TACC2: variants seen among roughly 807,000 people sequenced by gnomAD.
TACC2 encodes transforming acidic coiled-coil-containing protein 2.
TACC2 carries 137 observed loss-of-function variants against 227.3 expected under a neutral mutation model. The ratio of observed to expected loss-of-function variants is 0.60; its 90% confidence interval spans 0.52 to 0.69. The LOEUF is 0.69. TACC2 is among the 30% of genes least tolerant of loss of function. TACC2 has a pLI of 0.00. For missense variants in TACC2, 3,470 were observed against 3,694.4 expected (o/e 0.94, Z 1.57); for synonymous variants, 1,523 against 1,487.5 (o/e 1.02, Z -0.55).
chr10:122,131,410 C>T (rs190302408), intron 5 of TACC2, among the ~76,000 whole-genome samples: 29 of 152,282 alleles, frequency 1.9e-4, no homozygotes, highest in African/African-American at 6.7e-4. Context: ...GACTACAAGA[C>T]GATGGGTGTC....
At chr10:122,076,709 T>TAA (rs113901712) in intron 3 of TACC2, among the ~76,000 whole-genome samples, 1 of 143,482 alleles carries the variant, frequency 7.0e-6, no homozygotes. Context: ...ACAGAAGTAT[T>TAA]AAAAAAAAAA....
At position 122,082,969 on chromosome 10, in the gene TACC2, G is replaced by A; in HGVS notation, c.469G>A (p.Glu157Lys). 6.2e-7 allele frequency: 1 copy of A among 1,612,902 alleles called. No individual in the cohort carries two copies. Among genetic ancestry groups the A allele is most frequent in the Non-Finnish European group, 8.5e-7 (1 of 1,180,022 alleles). Residue 157 changes from glutamate to lysine, a missense_variant, in exon 4 of 23, where the codon GAG becomes AAG. By Grantham distance (56) the Glu-to-Lys change is moderately conservative (BLOSUM62 1). Around this residue, in one of 10 missense-constraint regions of TACC2, gnomAD observed 405 missense variants for 389.6 expected, o/e 1.04. Transcript: ENST00000369005. The stretch of plus-strand genomic sequence containing the variant: ...AGACATCGCGGCGGCATTTCCCGCT[G>A]AGAGGGACAGCTCTACTCCATACCA... ...PGDIAAAFPA[E>K]RDSSTPYQEI...
At chr10:122,179,533 T>C (rs2093886823) in intron 7 of TACC2, among the ~76,000 whole-genome samples, 1 of 152,166 alleles carries the variant, frequency 6.6e-6, no homozygotes, top group African/African-American at 2.4e-5. Context: ...AACCCCTACT[T>C]TTATGTGTGA....
At chr10:122,158,453 GTT>G (rs2092627086) in intron 7 of TACC2, among the ~76,000 whole-genome samples, 1 of 152,080 alleles carries the variant, frequency 6.6e-6, no homozygotes, top group Non-Finnish European at 1.5e-5. Flanking sequence ...TCTCATCTGT[GTT>G]TACTGACTTC....
intron 1 of TACC2, 128 bp from the exon 2 acceptor site, chr10:122,021,809 C>T: frequency 1.6e-6 from 1 of 607,294 alleles, no homozygotes; most frequent in Non-Finnish European, 2.9e-6. Context: ...AAGTAATTTT[C>T]CATGATGTGA....
chr10:122,144,281 T>G (rs528436653), intron 7 of TACC2, among the ~76,000 whole-genome samples: 31 of 151,814 alleles, frequency 2.0e-4, no homozygotes, highest in Middle Eastern at 3.4e-3. Context: ...ATTAATCTCA[T>G]GTAAAAAATA....
chr10:121,994,842 CTG>C (rs1453471316), intron 1 of TACC2: 3 of 152,218 alleles, frequency 2.0e-5, no homozygotes, highest in Non-Finnish European at 4.4e-5. Flanking sequence ...AAAGGCATAT[CTG>C]TGCCTCTCCA....
In TACC2 at chr10:122,210,205, C is replaced by T; in HGVS notation, c.5972-192C>T. ...ACAGATGAGGGAACTCTGGGCGAAC[C>T]TGGCCTGGGTCTTGAGCTAATTACG... On this transcript the variant is annotated intron_variant, in intron 8 of 22. Coordinates refer to ENST00000369005, the MANE Select transcript of TACC2 (RefSeq NM_206862.4). The surrounding 1 kb of genome is among the most constrained non-coding windows in gnomAD (Gnocchi z 4.6). The T allele has an allele frequency of 1.6e-6, 1 of 617,450 alleles. No individual in the cohort carries two copies. The highest frequency in any genetic ancestry group is 2.8e-5 in the East Asian group (1 of 36,062). 38.2% of individuals were successfully genotyped at this position (617,450 alleles called of 1,614,324 possible).
chr10:122,188,364 C>T (rs1480914119), intron 7 of TACC2, among the ~76,000 whole-genome samples: 1 of 152,194 alleles, frequency 6.6e-6, no homozygotes, highest in Non-Finnish European at 1.5e-5. Flanking sequence ...ACTACAACCT[C>T]TGCCTCCCGG....
chr10:122,189,464 G>A (rs2094334281), intron 7 of TACC2, among the ~76,000 whole-genome samples: 1 of 152,164 alleles, frequency 6.6e-6, no homozygotes, highest in Admixed American at 6.5e-5. Context: ...GTCCAGAGCT[G>A]TTGCTTTTAC....
In TACC2 at chr10:122,083,655, C is replaced by T. The variant is rs148794347; in HGVS notation, c.1155C>T (p.Pro385=). The change falls in exon 4 of 23, where the codon CCC becomes CCT. Residue 385 remains proline, a synonymous_variant. Coordinates refer to ENST00000369005, the MANE Select transcript of TACC2 (RefSeq NM_206862.4). The part of the protein sequence containing the change: ...HPQTGMRGTK[P]NQVVCVAAGG... ...AGACAGGGATGCGAGGAACCAAGCCCAATCAAGTTGTCTGTGTGGCAGCAG... is the reference window on the plus strand; with the variant it reads ...AGACAGGGATGCGAGGAACCAAGCCTAATCAAGTTGTCTGTGTGGCAGCAG... 1,511 of 1,611,384 alleles carry T rather than the reference C, an allele frequency of 9.4e-4. No homozygotes were observed. Among genetic ancestry groups the T allele is most frequent in the Non-Finnish European group, 1.2e-3 (1,454 of 1,180,036 alleles).
At chr10:122,002,969 G>A (rs12416589) in intron 1 of TACC2, among the ~76,000 whole-genome samples, 20,611 of 152,046 alleles carry the variant, frequency 0.14, 1,996 homozygotes, top group African/African-American at 0.27. Flanking sequence ...TTAGGAGGCC[G>A]AAGCAGGCGG....
intron 22 of TACC2, among the ~76,000 whole-genome samples, chr10:122,252,491 T>C (rs531046966): frequency 2.3e-4 from 35 of 151,374 alleles, no homozygotes; most frequent in African/African-American, 8.3e-4. Context: ...GTTTTTTTTT[T>C]CTTTCTTTTT....
intron 16 of TACC2, among the ~76,000 whole-genome samples, chr10:122,236,394 G>C (rs2095857290): frequency 6.6e-6 from 1 of 152,198 alleles, no homozygotes; most frequent in African/African-American, 2.4e-5. Context: ...CTAGGGTAGA[G>C]GTTCGCTGGG....
intron 16 of TACC2, among the ~76,000 whole-genome samples, chr10:122,231,213 G>A (rs748783806): frequency 8.5e-5 from 13 of 152,300 alleles, no homozygotes; most frequent in Non-Finnish European, 1.8e-4. Flanking sequence ...CAATTTGAAT[G>A]AGTTGCTGAT....
chr10:122,015,101 T>C (rs1956410490), intron 1 of TACC2, among the ~76,000 whole-genome samples: 1 of 51,132 alleles, frequency 2.0e-5, no homozygotes, highest in East Asian at 4.6e-4. Flanking sequence ...GCAGTTCATC[T>C]GCTATAAAAA....
At chr10:122,173,949 G>T (rs1025776707) in intron 7 of TACC2, among the ~76,000 whole-genome samples, 1 of 152,218 alleles carries the variant, frequency 6.6e-6, no homozygotes, top group Non-Finnish European at 1.5e-5. Context: ...AGACAGGGAA[G>T]TGGGCTAGGC....
chr10:122,090,563 G>GA (rs1312413977), intron 5 of TACC2, among the ~76,000 whole-genome samples: 53 of 105,830 alleles, frequency 5.0e-4, no homozygotes, highest in South Asian at 1.6e-3. Flanking sequence ...AAAAAAAAAA[G>GA]AAAAAAAAAA....
At chr10:122,132,554 C>T (rs1041416557) in intron 5 of TACC2, 55 bp from the exon 6 acceptor site, 7 of 1,607,530 alleles carry the variant, frequency 4.4e-6, no homozygotes, top group Admixed American at 1.7e-5. Flanking sequence ...CGTCTCAAAA[C>T]AAAAACTTGT....
Sources: gnomAD v4.1 joint callset for allele counts (sites outside exome capture counted in the v4.1 genomes callset) on GRCh38, gnomAD v4.1.1 for gene constraint, gnomAD v4.1.1 regional missense constraint, Gnocchi (gnomAD v3.1) non-coding constraint, MANE v1.5 for transcripts, NCBI Gene and HGNC (gene_info 2026-07-23, HGNC 2026-07-21) for gene names.